TEP1: variants seen among roughly 807,000 people sequenced by gnomAD.
TEP1 encodes the protein telomerase associated protein 1, also known as telomerase protein component 1.
Under a neutral mutation model 306.3 loss-of-function variants are expected in TEP1, and 241 were observed. The observed-to-expected ratio is 0.79, with a 90% CI of 0.71 to 0.88. TEP1 has a LOEUF of 0.88. Among genes scored for constraint, TEP1 ranks in the 40% least tolerant of loss-of-function variants. The pLI is 0.00. For synonymous variants in TEP1, 1,289 were observed against 1,305.5 expected, an observed-to-expected ratio of 0.99 and a Z score of 0.27; for missense variants, 3,051 against 3,276.1, an observed-to-expected ratio of 0.93 and a Z score of 1.68.
At chr14:20,368,994 T>C in intron 53 of TEP1, 92 bp from the exon 54 acceptor site, 3 of 848,888 alleles carry the variant, frequency 3.5e-6, no homozygotes, top group Admixed American at 2.5e-5. Context: ...CCTACAGCCC[T>C]CCTCCCTTAG....
intron 51 of TEP1, among the ~76,000 whole-genome samples, chr14:20,370,541 AT>A (rs1195578257): frequency 6.6e-6 from 1 of 152,166 alleles, no homozygotes; most frequent in East Asian, 1.9e-4. Flanking sequence ...TATCACATTA[AT>A]TTTTTTGCCA....
intron 41 of TEP1, among the ~76,000 whole-genome samples, 181 bp downstream of exon 41, chr14:20,377,099 C>CAGCTACTCGGGAGGCCGAG (rs1320325340): frequency 3.9e-5 from 6 of 152,144 alleles, no homozygotes; most frequent in African/African-American, 1.2e-4. Flanking sequence ...CCTGTAATCC[C>CAGCTACTCGGGAGGCCGAG]AGCTACTCGG....
chr14:20,403,189 C>G (rs1878895239), intron 7 of TEP1, among the ~76,000 whole-genome samples, 188 bp downstream of exon 7: 1 of 147,120 alleles, frequency 6.8e-6, no homozygotes, highest in Non-Finnish European at 1.5e-5. Context: ...AAATACAATA[C>G]CAAGGAGAGT....
intron 17 of TEP1, among the ~76,000 whole-genome samples, chr14:20,388,331 G>T (rs542004202): frequency 1.2e-4 from 18 of 152,298 alleles, no homozygotes; most frequent in Admixed American, 1.1e-3. Flanking sequence ...GGGCAACGGG[G>T]TAGGGAAAGG....
At chr14:20,371,724 A>G in intron 49 of TEP1, 92 bp from the exon 50 acceptor site, 2 of 1,414,798 alleles carry the variant, frequency 1.4e-6, no homozygotes, top group Non-Finnish European at 1.9e-6. Flanking sequence ...TCAGGAATGA[A>G]GTACAAAGCA....
chr14:20,387,844 G>A, intron 18 of TEP1, 61 bp downstream of exon 18: 1 of 1,533,982 alleles, frequency 6.5e-7, no homozygotes, highest in Admixed American at 2.3e-5. Flanking sequence ...CAGCCCCAGG[G>A]TTTCCCAAGG....
At position 20,406,330 on chromosome 14, in the gene TEP1, C is replaced by A. The variant is rs757524367; in HGVS notation, c.638G>T (p.Gly213Val). The A allele has an allele frequency of 7.4e-6, 12 of 1,614,172 alleles. No homozygotes were observed. The Admixed American group carries it at 1.7e-4, about 22-fold the overall frequency. The part of the protein sequence containing the change: ...TQMPSYSLSL[G>V]EEEEVEDLAV... ...CAGATCCTCCACCTCCTCCTCCTCT[C>A]CCAAGCTCAGACTATAAGAAGGCAT... The change falls in exon 3 of 55, where the codon GGA becomes GTA. Residue 213 changes from glycine (G) to valine (V), a missense_variant. Around this residue, in one of 3 missense-constraint regions of TEP1, gnomAD observed 1,507 missense variants for 1,550.5 expected, o/e 0.97. Transcript: ENST00000262715.
rs1885208875 is a variant in TEP1, at chr14:20,376,941, C to G, written c.6088+339G>C. On this transcript the variant is annotated intron_variant, in intron 41 of 54. Transcript: ENST00000262715. ...AAGGAACAGTGATTTGTGGGCCAGG[C>G]GCAATGGCTCACGTCTGTAATCCCA... Among the ~76,000 whole-genome samples, 3 of 152,118 alleles carry G rather than the reference C, an allele frequency of 2.0e-5. No homozygotes were observed. The South Asian group carries it at 6.2e-4, about 32-fold the overall frequency.
chr14:20,381,489 GT>G lies in TEP1; in HGVS notation c.4558+63del. The G allele has an allele frequency of 1.2e-6, 2 of 1,612,620 alleles. No homozygotes were observed. Among genetic ancestry groups the G allele is most frequent in the African/African-American group, 2.7e-5 (2 of 75,056 alleles). On this transcript the variant is annotated intron_variant, in intron 31 of 54. Coordinates refer to ENST00000262715, the MANE Select transcript of TEP1 (RefSeq NM_007110.5). The surrounding 1 kb of genome is among the most constrained non-coding windows in gnomAD (Gnocchi z 4.0). ...TGGCCAGCAGATGGGAGCACAGTGG[GT>G]GGTCCTGGCCTCCAGGCCCAAGCCC...
At chr14:20,373,889 T>C in intron 44 of TEP1, 79 bp from the exon 45 acceptor site, 5 of 1,550,878 alleles carry the variant, frequency 3.2e-6, no homozygotes, top group Non-Finnish European at 4.4e-6. Flanking sequence ...CAGAGGTGGG[T>C]GGAGCATTAG....
At chr14:20,409,218 C>T (rs1483875450) in intron 1 of TEP1, among the ~76,000 whole-genome samples, 2 of 152,208 alleles carry the variant, frequency 1.3e-5, no homozygotes, top group Non-Finnish European at 2.9e-5. Context: ...ATTACTCTCT[C>T]ATTAAAACTC....
chr14:20,378,227 C>A lies in TEP1; in HGVS notation c.5518G>T (p.Ala1840Ser), dbSNP rs1368582607. Residue 1840 changes from alanine (A) to serine (S), a missense_variant, in exon 39 of 55, where the codon GCA (alanine) becomes TCA (serine). Ala to Ser is a moderately conservative substitution (Grantham distance 99). Transcript: ENST00000262715. ...DGLKVTKDLG[A>S]PGASIRTLAF... ...AAGGTACGGATAGAGGCTCCGGGTG[C>A]CCCCAGGTCCTACACAGGGAGGTAG... The A allele has an allele frequency of 6.2e-7, 1 of 1,613,194 alleles. No homozygotes were observed. The highest frequency in any genetic ancestry group is 1.3e-5 in the African/African-American group (1 of 74,916).
chr14:20,411,217 C>G (rs1319668369), intron 1 of TEP1, among the ~76,000 whole-genome samples: 4 of 152,198 alleles, frequency 2.6e-5, no homozygotes, highest in Admixed American at 2.6e-4. Flanking sequence ...AACCCGACTT[C>G]CGGTCACCTC....
intron 6 of TEP1, 133 bp downstream of exon 6, chr14:20,403,590 C>A (rs1309887145): frequency 1.3e-6 from 2 of 1,582,814 alleles, no homozygotes; most frequent in African/African-American, 2.7e-5. Flanking sequence ...TGCCCATGAG[C>A]TCTACCCAGC....
intron 12 of TEP1, 106 bp from the exon 13 acceptor site, chr14:20,391,873 C>T (rs890410176): frequency 2.1e-5 from 26 of 1,258,622 alleles, no homozygotes; most frequent in Non-Finnish European, 2.8e-5. Flanking sequence ...CTTCTCCCTC[C>T]CTCAAGCACC....
chr14:20,373,106 C>T lies in TEP1; in HGVS notation c.6856G>A (p.Val2286Met), dbSNP rs1341781786. 6.2e-7 allele frequency: 1 copy of T among 1,614,218 alleles called. No homozygotes were observed. Among genetic ancestry groups the T allele is most frequent in the African/African-American group, 1.3e-5 (1 of 75,050 alleles). Residue 2286 changes from valine to methionine, a missense_variant, in exon 48 of 55, where the codon GTG becomes ATG. Physicochemically the swap from Val to Met is conservative, Grantham distance 21 (BLOSUM62 1). Transcript: ENST00000262715. ...ATGGAACCATCTGGTGCCCAAGCCA[C>T]AGCAGTGACGGCTGCAGAACTCCTT... ...IPRSSAAVTA[V>M]AWAPDGSMAV...
In TEP1 at chr14:20,379,972, A is replaced by T; in HGVS notation, c.5085T>A (p.Thr1695=). The stretch of plus-strand genomic sequence containing the variant: ...CCAACAGGTAAACTGTCCCATTGGC[A>T]GTGCCCACAGCTGCTCTTTGCCCAT... ...STNGQRAAVG[T]ANGTVYLLDL... is the part of the protein sequence containing the mutation. The change falls in exon 35 of 55, where the codon ACT becomes ACA. Residue 1695 remains threonine, a synonymous_variant. Coordinates refer to ENST00000262715, the MANE Select transcript of TEP1 (RefSeq NM_007110.5). 1 of 1,614,124 alleles carries T rather than the reference A, an allele frequency of 6.2e-7. No homozygotes were observed. Among genetic ancestry groups the T allele is most frequent in the East Asian group, 2.2e-5 (1 of 44,880 alleles).
rs1012878158 is a variant in TEP1, at chr14:20,380,278, G to T, written c.4960C>A (p.Leu1654Ile). The stretch of plus-strand genomic sequence containing the variant: ...GTCCGGGGTTTATTAAGCCATCGTA[G>T]TGTGTGTTGGAGGTGCCATCTCCGG... ...LSRRWHLQHTLRWLNKPRTMK... is the reference protein window; with the variant it reads ...LSRRWHLQHTIRWLNKPRTMK... Residue 1654 changes from leucine (L) to isoleucine (I), a missense_variant, in exon 34 of 55, where the codon CTA becomes ATA. Leu to Ile is a conservative substitution (Grantham distance 5). Around this residue, in one of 3 missense-constraint regions of TEP1, gnomAD observed 1,540 missense variants for 1,705.9 expected, o/e 0.90. Transcript: ENST00000262715. The T allele has an allele frequency of 6.2e-7, 1 of 1,614,176 alleles. No homozygotes were observed. The highest frequency in any genetic ancestry group is 1.3e-5 in the African/African-American group (1 of 75,032).
intron 27 of TEP1, 24 bp from the exon 28 acceptor site, chr14:20,382,739 T>TG: frequency 6.2e-7 from 1 of 1,612,594 alleles, no homozygotes; most frequent in Non-Finnish European, 8.5e-7. Context: ...GGACTCAGGG[T>TG]GGGGTCCAGG....
Sources: gnomAD v4.1 joint callset for allele counts (sites outside exome capture counted in the v4.1 genomes callset) on GRCh38, gnomAD v4.1.1 for gene constraint, gnomAD v4.1.1 regional missense constraint, Gnocchi (gnomAD v3.1) non-coding constraint, MANE v1.5 for transcripts, NCBI Gene and HGNC (gene_info 2026-07-23, HGNC 2026-07-21) for gene names.